SERGEF: variants seen among roughly 807,000 people sequenced by gnomAD.
SERGEF encodes secretion regulating guanine nucleotide exchange factor.
SERGEF carries 51 observed loss-of-function variants against 50.0 expected under a neutral mutation model. The observed-to-expected ratio is 1.02, with a 90% confidence interval of 0.81 to 1.29. The LOEUF (loss-of-function observed/expected upper bound fraction) is 1.29, where lower values mean the gene tolerates loss of function less well. Ranked by LOEUF, SERGEF falls within the 50% of genes most tolerant of loss-of-function variation. The probability of loss-of-function intolerance (pLI) is 0.00; values close to 1 mark genes in which losing one functional copy is unlikely to be tolerated. For missense variants in SERGEF, 521 were observed against 557.0 expected, an observed-to-expected ratio of 0.94 and a Z score of 0.65; for synonymous variants, 205 against 212.4, an observed-to-expected ratio of 0.97 and a Z score of 0.30.
chr11:17,883,846 G>A (rs1851379232), intron 9 of SERGEF, among the ~76,000 whole-genome samples: 1 of 152,206 alleles, frequency 6.6e-6, no homozygotes, highest in South Asian at 2.1e-4. Context: ...GGGAACGGCT[G>A]CAAAGTGGCA....
chr11:17,908,775 A>G (rs1429277695), intron 9 of SERGEF, among the ~76,000 whole-genome samples: 1 of 152,220 alleles, frequency 6.6e-6, no homozygotes, highest in East Asian at 1.9e-4. Context: ...AATGGTGAGA[A>G]ATATGGGACA....
intron 10 of SERGEF, among the ~76,000 whole-genome samples, chr11:17,830,533 T>TGAGAGAGAGGAAGAGAGAGGGA (rs1850274627): frequency 7.2e-6 from 1 of 139,698 alleles, no homozygotes; most frequent in Non-Finnish European, 1.5e-5. Flanking sequence ...GGCAAGAGAG[T>TGAGAGAGAGGAAGAGAGAGGGA]GAGAGAGAGG....
At chr11:17,984,683 T>A (rs1278131226) in intron 8 of SERGEF, among the ~76,000 whole-genome samples, 6 of 152,122 alleles carry the variant, frequency 3.9e-5, no homozygotes, top group Admixed American at 3.3e-4. Flanking sequence ...GTGGTGACAA[T>A]GGAGACAGAG....
chr11:18,005,389 G>A (rs1027589621), intron 3 of SERGEF, among the ~76,000 whole-genome samples: 3 of 152,216 alleles, frequency 2.0e-5, no homozygotes, highest in African/African-American at 7.2e-5. Flanking sequence ...AGATAGACAA[G>A]AGGGGCTGGT....
At chr11:17,798,740 G>T (rs1478244820) in intron 10 of SERGEF, among the ~76,000 whole-genome samples, 2 of 152,242 alleles carry the variant, frequency 1.3e-5, no homozygotes, top group Non-Finnish European at 2.9e-5. Flanking sequence ...CCTTGCGAGA[G>T]GGGGCAGAAA....
chr11:17,930,473 C>T (rs1005309942), intron 9 of SERGEF, among the ~76,000 whole-genome samples: 5 of 152,226 alleles, frequency 3.3e-5, no homozygotes, highest in African/African-American at 7.2e-5. Context: ...ACTAGGCCCA[C>T]GACTAAGCCT....
intron 9 of SERGEF, among the ~76,000 whole-genome samples, chr11:17,879,938 C>G (rs768601059): frequency 4.6e-5 from 7 of 152,222 alleles, no homozygotes; most frequent in African/African-American, 7.2e-5. Flanking sequence ...GGTAGTGTTT[C>G]TCATTCTCTC....
At chr11:17,945,131 T>C (rs1852633642) in intron 9 of SERGEF, among the ~76,000 whole-genome samples, 2 of 152,268 alleles carry the variant, frequency 1.3e-5, no homozygotes, top group Non-Finnish European at 2.9e-5. Flanking sequence ...GCTAGGAGTA[T>C]ATTGAATTGT....
intron 1 of SERGEF, among the ~76,000 whole-genome samples, chr11:18,011,652 G>A (rs1011247638): frequency 3.3e-5 from 5 of 152,204 alleles, no homozygotes; most frequent in African/African-American, 9.7e-5. Context: ...AAACACAGCA[G>A]AAGGGTGTCA....
At chr11:17,984,153 G>A (rs920230846) in intron 8 of SERGEF, among the ~76,000 whole-genome samples, 1 of 152,174 alleles carries the variant, frequency 6.6e-6, no homozygotes, top group Non-Finnish European at 1.5e-5. Context: ...ATGAAGAATG[G>A]GTTGGAGGGG....
chr11:17,942,429 C>T (rs1340333184), intron 9 of SERGEF, among the ~76,000 whole-genome samples: 1 of 151,888 alleles, frequency 6.6e-6, no homozygotes, highest in Non-Finnish European at 1.5e-5. Context: ...TTTGATGCTG[C>T]TATATAAAAA....
intron 10 of SERGEF, among the ~76,000 whole-genome samples, chr11:17,799,876 G>A (rs1314636034): frequency 6.6e-6 from 1 of 152,118 alleles, no homozygotes; most frequent in African/African-American, 2.4e-5. Flanking sequence ...CATCAACTAG[G>A]CTCCCACAAA....
chr11:17,911,380 A>AAT (rs1227576819), intron 9 of SERGEF, among the ~76,000 whole-genome samples: 2 of 147,314 alleles, frequency 1.4e-5, no homozygotes, highest in Non-Finnish European at 3.0e-5. Context: ...ATATATATAA[A>AAT]ATATATATAC....
At chr11:17,928,249 C>A (rs561271344) in intron 9 of SERGEF, among the ~76,000 whole-genome samples, 7 of 152,292 alleles carry the variant, frequency 4.6e-5, no homozygotes, top group Non-Finnish European at 1.0e-4. Flanking sequence ...TGGTCCTCAC[C>A]TACAGAACTT....
At chr11:17,794,382 T>C (rs1239985986) in intron 10 of SERGEF, among the ~76,000 whole-genome samples, 1 of 152,158 alleles carries the variant, frequency 6.6e-6, no homozygotes, top group African/African-American at 2.4e-5. Context: ...TGCTTCTCAG[T>C]TTCATAAAAA....
intron 3 of SERGEF, among the ~76,000 whole-genome samples, 189 bp from the exon 4 acceptor site, chr11:18,004,724 T>C (rs1441372354): frequency 2.0e-5 from 3 of 152,360 alleles, no homozygotes; most frequent in East Asian, 1.9e-4. Flanking sequence ...TCTACACAGA[T>C]TGTCTATTCT....
intron 8 of SERGEF, among the ~76,000 whole-genome samples, chr11:17,978,948 G>A (rs1413951873): frequency 6.6e-6 from 1 of 152,162 alleles, no homozygotes; most frequent in Admixed American, 6.5e-5. Flanking sequence ...TTCTGCTTCA[G>A]GTGCACACAT....
chr11:17,833,807 T>C (rs1850355954), intron 10 of SERGEF, among the ~76,000 whole-genome samples: 1 of 152,204 alleles, frequency 6.6e-6, no homozygotes, highest in Non-Finnish European at 1.5e-5. Flanking sequence ...CCCTTTGTTT[T>C]GGCCAATTTC....
At chr11:17,801,150 G>C (rs1849662079) in intron 10 of SERGEF, among the ~76,000 whole-genome samples, 1 of 150,544 alleles carries the variant, frequency 6.6e-6, no homozygotes, top group South Asian at 2.1e-4. Context: ...AGCCGAGATA[G>C]CGCCACTGCA....
Sources: allele counts gnomAD v4.1 joint callset (sites outside exome capture counted in the v4.1 genomes callset), GRCh38; gene constraint gnomAD v4.1.1; transcripts MANE v1.5; gene names NCBI Gene and HGNC (gene_info 2026-07-23, HGNC 2026-07-21).